Variants in ITPKC observed in about 807,000 individuals in gnomAD.
The protein encoded by ITPKC is IP3 3-kinase C.
A neutral mutation model predicts 67.1 loss-of-function variants in ITPKC; 33 were observed. The ratio of observed to expected loss-of-function variants is 0.49; its 90% CI spans 0.37 to 0.66. ITPKC has a LOEUF of 0.66. ITPKC is among the 30% of genes least tolerant of loss of function. ITPKC has a pLI of 0.00. For synonymous variants in ITPKC, 341 were observed against 359.8 expected, an observed-to-expected ratio of 0.95 and a Z score of 0.59; for missense variants, 820 against 892.1, an observed-to-expected ratio of 0.92 and a Z score of 1.03.
chr19:40,717,946 C>G lies in ITPKC; in HGVS notation c.811C>G (p.Gln271Glu), dbSNP rs975495802. The part of the protein sequence containing the change: ...QPGTGGFQIQ[Q>E]DTDGSWTQPS... ...TGGCACTGGTGGTTTCCAAATACAA[C>G]AGGATACTGATGGCTCCTGGACACA... The change falls in exon 1 of 7, where the codon CAG becomes GAG. Residue 271 changes from glutamine to glutamate, a missense_variant. Transcript: ENST00000263370. The G allele has an allele frequency of 6.2e-7, 1 of 1,614,058 alleles. No individual in the cohort carries two copies. Among genetic ancestry groups the G allele is most frequent in the Non-Finnish European group, 8.5e-7 (1 of 1,180,040 alleles).
rs189752343 is a variant in ITPKC, at chr19:40,726,615, C to A, written c.1255+1176C>A. On this transcript the variant is annotated intron_variant, in intron 2 of 6. Transcript: ENST00000263370. ...GAAAAGTGTGCCCATTGGCAAATGGCGACAGTAAGAGAATTTGTCTGCCTT... is the reference window on the plus strand; with the variant it reads ...GAAAAGTGTGCCCATTGGCAAATGGAGACAGTAAGAGAATTTGTCTGCCTT... Among the ~76,000 whole-genome samples, 377 of 152,200 alleles carry A rather than the reference C, an allele frequency of 2.5e-3. 2 individuals carry two copies. Among genetic ancestry groups the A allele is most frequent in the Middle Eastern group, 6.8e-3 (2 of 294 alleles).
At position 40,725,431 on chromosome 19, in the gene ITPKC, G is replaced by C; in HGVS notation, c.1247G>C (p.Gly416Ala). 6.2e-7 allele frequency: 1 copy of C among 1,606,172 alleles called. No individual in the cohort carries two copies. Among genetic ancestry groups the C allele is most frequent in the Non-Finnish European group, 8.5e-7 (1 of 1,172,660 alleles). The change falls in exon 2 of 7, where the codon GGA becomes GCA. Residue 416 changes from glycine to alanine, a missense_variant. Gly to Ala is a moderately conservative substitution (Grantham distance 60, BLOSUM62 0). This residue lies in a region of ITPKC where 339 missense variants were observed against 422.0 expected (regional missense o/e 0.80). Coordinates refer to ENST00000263370, the MANE Select transcript of ITPKC (RefSeq NM_025194.3). ...RKHYPWVQLS[G>A]HAGNFQAGED... ...CACTACCCTTGGGTCCAGCTTTCTG[G>C]ACATGCTGGTAAGTGGGGTGGTGGT...
Position 40,718,012 on chromosome 19 carries a change from T to G in ITPKC, c.877T>G (p.Cys293Gly), listed in dbSNP as rs2082199918. ...TTCCCAGACAGCACCTGGGACAGAC[T>G]GCCTCTTGGGAGAGCCTGAGGATGG... ...DGSQTAPGTDCLLGEPEDGPL... is the reference protein window; with the variant it reads ...DGSQTAPGTDGLLGEPEDGPL... Residue 293 changes from cysteine (C) to glycine (G), a missense_variant, in exon 1 of 7, where the codon TGC (cysteine) becomes GGC (glycine). Transcript: ENST00000263370. 1 of 1,614,156 alleles carries G rather than the reference T, an allele frequency of 6.2e-7. No individual in the cohort carries two copies. Among genetic ancestry groups the G allele is most frequent in the East Asian group, 2.2e-5 (1 of 44,876 alleles).
chr19:40,728,099 A>T (rs1324916807), intron 2 of ITPKC, among the ~76,000 whole-genome samples: 1 of 152,210 alleles, frequency 6.6e-6, no homozygotes, highest in Non-Finnish European at 1.5e-5. Flanking sequence ...GGAAAATGTA[A>T]TCCAGGCTGG....
Position 40,717,870 on chromosome 19 carries a change from T to C in ITPKC, c.735T>C (p.Tyr245=), listed in dbSNP as rs1335506368. The change falls in exon 1 of 7, where the codon TAT becomes TAC. Residue 245 remains tyrosine (Y), a synonymous_variant. Transcript: ENST00000263370. The part of the protein sequence containing the change: ...QDIEGPWTEP[Y]TDGSQKKQDT... ...TTGAAGGTCCCTGGACAGAGCCATA[T>C]ACTGATGGCTCCCAGAAAAAACAGG... 6.2e-7 allele frequency: 1 copy of C among 1,613,918 alleles called. No individual in the cohort carries two copies. The highest frequency in any genetic ancestry group is 8.5e-7 in the Non-Finnish European group (1 of 1,179,820).
chr19:40,739,494 T>G lies in ITPKC; in HGVS notation c.1986T>G (p.Arg662=), dbSNP rs1599659105. The G allele has an allele frequency of 3.7e-6, 6 of 1,613,510 alleles. No individual in the cohort carries two copies. The highest frequency in any genetic ancestry group is 5.1e-6 in the Non-Finnish European group (6 of 1,180,004). Residue 662 remains arginine (R), a synonymous_variant, in exon 7 of 7, where the codon CGT becomes CGG. Coordinates refer to ENST00000263370, the MANE Select transcript of ITPKC (RefSeq NM_025194.3). ...SHRLPWAEGN[R]EDGYLWGLDN... is the part of the protein sequence containing the mutation. ...GGCTGCCCTGGGCTGAGGGCAACCG[T>G]GAGGACGGCTACCTCTGGGGCCTGG...
Position 40,737,036 on chromosome 19 carries a change from G to T in ITPKC, c.1725G>T (p.Glu575Asp). The T allele has an allele frequency of 6.3e-7, 1 of 1,594,318 alleles. No homozygotes were observed. Among genetic ancestry groups the T allele is most frequent in the Non-Finnish European group, 8.6e-7 (1 of 1,168,940 alleles). ...NTNFKKTQAL[E>D]QVTKVLEDFV... ...ACTTCAAGAAGACGCAGGCACTGGAGCAGGTGACAAAAGTGCTGGAGGACT... is the reference window on the plus strand; with the variant it reads ...ACTTCAAGAAGACGCAGGCACTGGATCAGGTGACAAAAGTGCTGGAGGACT... Residue 575 changes from glutamate (E) to aspartate (D), a missense_variant, in exon 5 of 7, where the codon GAG becomes GAT. Transcript: ENST00000263370.
intron 1 of ITPKC, among the ~76,000 whole-genome samples, chr19:40,720,345 T>C (rs1193714441): frequency 1.3e-5 from 2 of 149,676 alleles, no homozygotes; most frequent in African/African-American, 5.0e-5. Flanking sequence ...CCAGCCTGGG[T>C]GACAGAGCAA....
chr19:40,739,579 G>T lies in ITPKC; in HGVS notation c.*19G>T, dbSNP rs1398965735. 1 of 1,603,382 alleles carries T rather than the reference G, an allele frequency of 6.2e-7. No homozygotes were observed. The highest frequency in any genetic ancestry group is 8.5e-7 in the Non-Finnish European group (1 of 1,173,698). On this transcript the variant is annotated 3_prime_UTR_variant, in exon 7 of 7. Transcript: ENST00000263370. ...GAGCTGAGCTGCTCAGCCACCATCA[G>T]GTTAATTGGATGGCGCCAGTCTGGC...
At chr19:40,725,317 C>T in intron 1 of ITPKC, 23 bp from the exon 2 acceptor site, 1 of 1,549,424 alleles carries the variant, frequency 6.5e-7, no homozygotes, top group South Asian at 1.1e-5. Flanking sequence ...GGCCCTGACC[C>T]CACCCTGCTC....
chr19:40,718,895 C>T (rs932777714), intron 1 of ITPKC, among the ~76,000 whole-genome samples: 4 of 152,162 alleles, frequency 2.6e-5, no homozygotes, highest in African/African-American at 9.7e-5. Context: ...ACCTGGTCTC[C>T]CCTGTGACCC....
chr19:40,732,562 CTATGAGAG>C (rs2082276604), intron 3 of ITPKC, among the ~76,000 whole-genome samples: 1 of 146,902 alleles, frequency 6.8e-6, no homozygotes, highest in Non-Finnish European at 1.5e-5. Flanking sequence ...GTAACAAGGG[CTATGAGAG>C]TTACCAGCCA....
intron 2 of ITPKC, among the ~76,000 whole-genome samples, chr19:40,726,354 T>C (rs1343262627): frequency 6.6e-6 from 1 of 152,138 alleles, no homozygotes; most frequent in Non-Finnish European, 1.5e-5. Context: ...CTGTAACATT[T>C]TGCCCCCAGG....
chr19:40,717,830 G>A lies in ITPKC; in HGVS notation c.695G>A (p.Arg232Lys). 1.2e-6 allele frequency: 2 copies of A among 1,614,066 alleles called. No homozygotes were observed. Among genetic ancestry groups the A allele is most frequent in the Non-Finnish European group, 1.7e-6 (2 of 1,180,004 alleles). ...SWKELYTDGSRTQQDIEGPWT... is the reference protein window; with the variant it reads ...SWKELYTDGSKTQQDIEGPWT... ...AAAGAATTGTATACTGATGGCTCCA[G>A]GACACAACAGGATATTGAAGGTCCC... The change falls in exon 1 of 7, where the codon AGG (arginine) becomes AAG (lysine). Residue 232 changes from arginine to lysine, a missense_variant. This residue lies in a region of ITPKC where 481 missense variants were observed against 470.1 expected (regional missense o/e 1.02). Coordinates refer to ENST00000263370, the MANE Select transcript of ITPKC (RefSeq NM_025194.3).
At chr19:40,733,073 C>G (rs988700105) in intron 3 of ITPKC, 87 bp from the exon 4 acceptor site, 1 of 1,136,516 alleles carries the variant, frequency 8.8e-7, no homozygotes, top group South Asian at 1.4e-5. Context: ...TTGTGCCACA[C>G]TGTGGCTTTA....
At chr19:40,735,113 T>C (rs1336343949) in intron 4 of ITPKC, among the ~76,000 whole-genome samples, 1 of 152,128 alleles carries the variant, frequency 6.6e-6, no homozygotes, top group Non-Finnish European at 1.5e-5. Flanking sequence ...GAGGCGGGGT[T>C]TCACTATGTT....
chr19:40,733,110 C>T (rs1475602383), intron 3 of ITPKC, 50 bp from the exon 4 acceptor site: 2 of 1,538,200 alleles, frequency 1.3e-6, no homozygotes, highest in Admixed American at 1.7e-5. Context: ...AGGGTAAGCC[C>T]TCCAGTTTGT....
chr19:40,724,409 CA>C (rs1174092929), intron 1 of ITPKC, among the ~76,000 whole-genome samples: 1 of 152,164 alleles, frequency 6.6e-6, no homozygotes, highest in Admixed American at 6.5e-5. Context: ...ACAAAACAAA[CA>C]AAAAACAACA....
chr19:40,732,499 G>GAGCTAGATCAC, intron 3 of ITPKC, among the ~76,000 whole-genome samples: 1 of 127,076 alleles, frequency 7.9e-6, no homozygotes, highest in African/African-American at 3.0e-5. Flanking sequence ...CCATTCCATT[G>GAGCTAGATCAC]CACTCTAGCT....
Sources: allele counts gnomAD v4.1 joint callset (sites outside exome capture counted in the v4.1 genomes callset), GRCh38; gene constraint gnomAD v4.1.1; regional missense constraint gnomAD v4.1.1; transcripts MANE v1.5; gene names NCBI Gene and HGNC (gene_info 2026-07-23, HGNC 2026-07-21).